The following PARD3B variants were observed in gnomAD, a reference collection of about 807,000 sequenced individuals.
PARD3B encodes par-3 family cell polarity regulator beta.
A neutral mutation model predicts 130.2 loss-of-function variants in PARD3B; 103 were observed. That is an observed-to-expected ratio of 0.79 (90% CI 0.67 to 0.93). The LOEUF is 0.93. Among genes scored for constraint, PARD3B ranks in the 40% least tolerant of loss-of-function variants. The pLI, the probability that PARD3B is intolerant of heterozygous loss-of-function variation, is 0.00. For missense variants in PARD3B, 1,609 were observed against 1,499.2 expected, an observed-to-expected ratio of 1.07 and a Z score of -1.21; for synonymous variants, 583 against 553.2, an observed-to-expected ratio of 1.05 and a Z score of -0.76.
At chr2:205,052,637 G>A (rs1699306131) in intron 4 of PARD3B, among the ~76,000 whole-genome samples, 1 of 151,348 alleles carries the variant, frequency 6.6e-6, no homozygotes. Context: ...ACTGTTTGGG[G>A]GTTAGATTAA....
chr2:205,100,454 T>G (rs1384513488), intron 4 of PARD3B, among the ~76,000 whole-genome samples: 1 of 151,644 alleles, frequency 6.6e-6, no homozygotes, highest in Non-Finnish European at 1.5e-5. Flanking sequence ...AAAACCCAAC[T>G]GTTTTTTTTT....
At chr2:204,868,751 T>TA (rs1434789212) in intron 2 of PARD3B, among the ~76,000 whole-genome samples, 2 of 152,186 alleles carry the variant, frequency 1.3e-5, no homozygotes, top group African/African-American at 4.8e-5. Context: ...GTTCAAAACT[T>TA]AGAGTTTCTT....
intron 15 of PARD3B, among the ~76,000 whole-genome samples, chr2:205,203,224 T>TTTG (rs2037086474): frequency 6.6e-6 from 1 of 152,134 alleles, no homozygotes. Flanking sequence ...CTTAGAACAT[T>TTTG]GTCTGTGCTC....
In PARD3B at chr2:205,158,570, A is replaced by T. The variant is rs1203550421; in HGVS notation, c.1435-152A>T. 2.7e-6 allele frequency: 2 copies of T among 742,458 alleles called. No individual in the cohort carries two copies. The highest frequency in any genetic ancestry group is 5.1e-5 in the East Asian group (2 of 39,478). 46.0% of individuals were successfully genotyped at this position (742,458 alleles called of 1,614,324 possible). ...TGACTGTGGCTCCTTGTGGAGAGCT[A>T]AACCCAGCCTTTGCCTGCCAGGAGC... On this transcript the variant is annotated intron_variant, in intron 10 of 22. Transcript: ENST00000406610. The surrounding 1 kb of genome is among the most constrained non-coding windows in gnomAD (Gnocchi z 5.4).
rs909685046 is a variant in PARD3B at position 205,280,836 on chromosome 2, G to A, written c.2186-19694G>A. Among the ~76,000 whole-genome samples the A allele has an allele frequency of 1.3e-5, 2 of 152,136 alleles. No individual in the cohort carries two copies. Among genetic ancestry groups the A allele is most frequent in the Non-Finnish European group, 2.9e-5 (2 of 68,018 alleles). ...AAACCAAATAAATACAGTATTTTAT[G>A]TTCTTTTAATTCAGGGCCAAGTGGA... On this transcript the variant is annotated intron_variant, in intron 16 of 22. Coordinates refer to ENST00000406610, the MANE Select transcript of PARD3B (RefSeq NM_001302769.2). This position sits in a 1 kb window ranked among gnomAD's most constrained non-coding sequence, Gnocchi z 4.7.
At chr2:205,517,058 G>T (rs948757980) in intron 21 of PARD3B, among the ~76,000 whole-genome samples, 1 of 152,216 alleles carries the variant, frequency 6.6e-6, no homozygotes, top group South Asian at 2.1e-4. Context: ...TTTATGTGAT[G>T]AATCACATTT....
intron 22 of PARD3B, among the ~76,000 whole-genome samples, chr2:205,586,011 G>A (rs528561897): frequency 6.6e-6 from 1 of 152,140 alleles, no homozygotes; most frequent in Non-Finnish European, 1.5e-5. Context: ...AGCTTGACTT[G>A]GTTTTTCCAG....
chr2:205,551,940 G>A (rs977732069), intron 21 of PARD3B, among the ~76,000 whole-genome samples: 2 of 152,224 alleles, frequency 1.3e-5, no homozygotes, highest in South Asian at 4.1e-4. Flanking sequence ...ATATCCAAGA[G>A]CAAAAGGAAG....
chr2:205,431,243 ATTG>A (rs1275646997), intron 19 of PARD3B, among the ~76,000 whole-genome samples: 1 of 152,026 alleles, frequency 6.6e-6, no homozygotes, highest in East Asian at 1.9e-4. Context: ...CACCCTGCTA[ATTG>A]TTGTGTTTTT....
chr2:205,205,033 T>C (rs185650588), intron 15 of PARD3B, among the ~76,000 whole-genome samples: 36 of 152,152 alleles, frequency 2.4e-4, no homozygotes, highest in African/African-American at 8.2e-4. Flanking sequence ...TATAAATTAC[T>C]TTGGGCAGTA....
intron 2 of PARD3B, among the ~76,000 whole-genome samples, chr2:204,926,082 G>A (rs538031249): frequency 5.3e-5 from 8 of 151,926 alleles, no homozygotes; most frequent in Non-Finnish European, 8.8e-5. Context: ...GTGTGAGAAC[G>A]AACTAACACA....
chr2:205,471,061 C>G (rs1334164854), intron 20 of PARD3B, among the ~76,000 whole-genome samples: 2 of 152,150 alleles, frequency 1.3e-5, no homozygotes, highest in African/African-American at 2.4e-5. Context: ...AATTCAGTGA[C>G]TGGCAGTGTT....
chr2:205,339,825 A>G (rs1406550065), intron 18 of PARD3B, among the ~76,000 whole-genome samples: 2 of 152,146 alleles, frequency 1.3e-5, no homozygotes, highest in Admixed American at 6.5e-5. Flanking sequence ...AAGAAACAAA[A>G]CATTTGACCT....
At chr2:205,521,865 A>G (rs1182600073) in intron 21 of PARD3B, among the ~76,000 whole-genome samples, 1 of 152,022 alleles carries the variant, frequency 6.6e-6, no homozygotes, top group Non-Finnish European at 1.5e-5. Flanking sequence ...AATGTCTATA[A>G]TGTAGGAATT....
Position 205,540,639 on chromosome 2 carries a change from G to A in PARD3B, c.3181-12685G>A, listed in dbSNP as rs139479892. Reference sequence around the variant, plus strand: ...TTGTCATTATTTTGATTAAAAAGGTGTGTAGAAGCCACGGTGGATTTTCAG... The same window carrying A: ...TTGTCATTATTTTGATTAAAAAGGTATGTAGAAGCCACGGTGGATTTTCAG... On this transcript the variant is annotated intron_variant, in intron 21 of 22. Transcript: ENST00000406610. Among the ~76,000 whole-genome samples, 1,016 of 152,306 alleles carry A rather than the reference G, an allele frequency of 6.7e-3. 18 individuals carry two copies. The highest frequency in any genetic ancestry group is 0.023 in the African/African-American group (967 of 41,560).
At chr2:204,754,525 TC>T (rs1329564645) in intron 2 of PARD3B, among the ~76,000 whole-genome samples, 1 of 152,154 alleles carries the variant, frequency 6.6e-6, no homozygotes, top group African/African-American at 2.4e-5. Context: ...ATTCTGGAAA[TC>T]AATAAATTAT....
chr2:204,719,856 A>C (rs2038913964), intron 2 of PARD3B, among the ~76,000 whole-genome samples: 1 of 152,258 alleles, frequency 6.6e-6, no homozygotes, highest in Non-Finnish European at 1.5e-5. Context: ...GAATACTTAA[A>C]AACAACAGGT....
chr2:204,786,113 CAAAAA>C (rs56704816), intron 2 of PARD3B, among the ~76,000 whole-genome samples: 1,946 of 94,018 alleles, frequency 0.021, 34 homozygotes, highest in Middle Eastern at 0.037. Context: ...GACTCCATCT[CAAAAA>C]AAAAAAAAAA....
intron 1 of PARD3B, among the ~76,000 whole-genome samples, chr2:204,554,750 A>G (rs965641563): frequency 2.0e-5 from 3 of 152,028 alleles, no homozygotes; most frequent in Admixed American, 1.3e-4. Context: ...AGATCTTCCA[A>G]TGGTGCACAT....
Sources: gnomAD v4.1 joint callset for allele counts (sites outside exome capture counted in the v4.1 genomes callset) on GRCh38, gnomAD v4.1.1 for gene constraint, Gnocchi (gnomAD v3.1) non-coding constraint, MANE v1.5 for transcripts, NCBI Gene and HGNC (gene_info 2026-07-23, HGNC 2026-07-21) for gene names.